Variants in KCTD2 observed in about 807,000 individuals in gnomAD.
KCTD2 encodes the protein potassium channel tetramerization domain containing 2, also known as BTB/POZ domain-containing protein KCTD2.
In KCTD2, 18 loss-of-function variants were observed where a neutral mutation model predicts 27.9. The ratio of observed to expected loss-of-function variants is 0.64; its 90% CI spans 0.45 to 0.96. KCTD2 has a LOEUF of 0.96. KCTD2 is among the 40% of genes least tolerant of loss of function. The pLI, the probability that KCTD2 is intolerant of heterozygous loss-of-function variation, is 0.00. For missense variants in KCTD2, 280 were observed against 348.0 expected, an observed-to-expected ratio of 0.80 and a Z score of 1.56; for synonymous variants, 175 against 148.4, an observed-to-expected ratio of 1.18 and a Z score of -1.30.
In KCTD2 at chr17:75,049,236, A is replaced by G. The variant is rs1477694480; in HGVS notation, c.356A>G (p.Tyr119Cys). 3.1e-6 allele frequency: 5 copies of G among 1,610,654 alleles called. No homozygotes were observed. The highest frequency in any genetic ancestry group is 3.4e-6 in the Non-Finnish European group (4 of 1,176,868). The change falls in exon 2 of 6, where the codon TAT becomes TGT. Residue 119 changes from tyrosine (Y) to cysteine (C), a missense_variant. Transcript: ENST00000322444. ...GGTTGGCAGGATGAGACAGGAGCCT[A>G]TCTGATTGACAGGGACCCCACCTAC... ...LDSDKDETGAYLIDRDPTYFG... is the reference protein window; with the variant it reads ...LDSDKDETGACLIDRDPTYFG...
intron 3 of KCTD2, among the ~76,000 whole-genome samples, chr17:75,055,832 TAAA>T (rs1271178318): frequency 8.8e-6 from 1 of 113,438 alleles, no homozygotes. Context: ...AACTCCCATC[TAAA>T]AAAAAAAAAA....
chr17:75,049,461 G>A (rs1391988019), intron 2 of KCTD2, 133 bp downstream of exon 2: 3 of 590,806 alleles, frequency 5.1e-6, no homozygotes, highest in African/African-American at 3.7e-5. Context: ...ATGAAACAGA[G>A]CAGAAACTAC....
Position 75,060,354 on chromosome 17 carries a change from T to C in KCTD2, c.636+749T>C, listed in dbSNP as rs528354818. On this transcript the variant is annotated intron_variant, in intron 4 of 5. Transcript: ENST00000322444. ...AGCTGTGGTGTCCACTGGAAAAATG[T>C]AGTCCTTGATATTTCTATTTCACAT... is the stretch of plus-strand genomic sequence containing the variant. 1.0e-5 allele frequency: 13 copies of C among 1,296,482 alleles called. No individual in the cohort carries two copies. The South Asian group carries it at 1.9e-4, about 19-fold the overall frequency. The allele number at this position is 1,296,482 out of a possible 1,614,324, so 80.3% of individuals were successfully genotyped here. A position where few individuals can be genotyped will look rare whatever the true frequency, so the allele number is the denominator to read the frequency against.
intron 3 of KCTD2, among the ~76,000 whole-genome samples, chr17:75,053,598 G>A (rs528800724): frequency 6.6e-6 from 1 of 151,970 alleles, no homozygotes; most frequent in East Asian, 1.9e-4. Flanking sequence ...GTGCCACCAC[G>A]CCTGACTAAT....
chr17:75,042,572 T>G (rs200410651), upstream of KCTD2: 1 of 1,612,922 alleles, frequency 6.2e-7, no homozygotes, highest in East Asian at 2.2e-5. Context: ...GAACTAGCAA[T>G]GGCCTTTTGG....
In KCTD2 at chr17:75,065,859, A is replaced by G. The variant is rs919058388; in HGVS notation, c.*2812A>G. On this transcript the variant is annotated 3_prime_UTR_variant, in exon 6 of 6. Transcript: ENST00000322444. Reference sequence around the variant, plus strand: ...AAATGCTGTGACTTTTTTTGTGTGAATAAAGATATGAAACTTCTGAATCTC... The same window carrying G: ...AAATGCTGTGACTTTTTTTGTGTGAGTAAAGATATGAAACTTCTGAATCTC... 1.3e-5 allele frequency: 2 copies of G among 152,184 alleles called. No individual in the cohort carries two copies. The highest frequency in any genetic ancestry group is 6.6e-5 in the Admixed American group (1 of 15,262). 9.4% of individuals were successfully genotyped at this position (152,184 alleles called of 1,614,324 possible). A position where few individuals can be genotyped will look rare whatever the true frequency, so the allele number is the denominator to read the frequency against.
intron 2 of KCTD2, 29 bp from the exon 3 acceptor site, chr17:75,052,985 A>G (rs1048332515): frequency 7.0e-6 from 11 of 1,571,906 alleles, no homozygotes; most frequent in East Asian, 2.2e-5. Flanking sequence ...CCTCGCACCT[A>G]TCTGACTGCA....
rs772353365 is a variant in KCTD2 at position 75,047,484 on chromosome 17, G to C, written c.234G>C (p.Val78=). ...CGGCCCGCTGGGTCAGGCTGAACGT[G>C]GGAGGCACCTACTTCGTGACCACCA... The part of the protein sequence containing the change: ...GGAARWVRLN[V]GGTYFVTTRQ... The change falls in exon 1 of 6, where the codon GTG becomes GTC. Residue 78 remains valine, a synonymous_variant. Coordinates refer to ENST00000322444, the MANE Select transcript of KCTD2 (RefSeq NM_015353.3). 1.9e-6 allele frequency: 3 copies of C among 1,597,676 alleles called. No homozygotes were observed. The highest frequency in any genetic ancestry group is 2.6e-6 in the Non-Finnish European group (3 of 1,173,622).
At chr17:75,046,646 G>A (rs1201929465), upstream of KCTD2, among the ~76,000 whole-genome samples, 2 of 152,224 alleles carry the variant, frequency 1.3e-5, no homozygotes, top group African/African-American at 4.8e-5. Flanking sequence ...GAAGTCTGCC[G>A]CGCTGGGAGC....
At chr17:75,040,712 C>A (rs549608415) in intron 3 of KCTD2, 2 of 153,092 alleles carry the variant, frequency 1.3e-5, no homozygotes, top group African/African-American at 4.8e-5. Context: ...ATGGTGAAAC[C>A]CCGTCTCTAC....
intron 2 of KCTD2, among the ~76,000 whole-genome samples, chr17:75,050,326 A>G (rs1351935837): frequency 6.6e-6 from 1 of 152,022 alleles, no homozygotes; most frequent in African/African-American, 2.4e-5. Context: ...CACTGGCACA[A>G]TCTTGACTCA....
At chr17:75,040,226 C>G in intron 3 of KCTD2, 1 of 1,598,650 alleles carries the variant, frequency 6.3e-7, no homozygotes, top group Non-Finnish European at 8.6e-7. Flanking sequence ...GACAGTGAGT[C>G]GTCGCCAATA....
chr17:75,042,432 T>G, upstream of KCTD2: 7 of 1,538,700 alleles, frequency 4.5e-6, no homozygotes, highest in Non-Finnish European at 6.2e-6. Context: ...TTATATGTTG[T>G]CATAAGGGCA....
At chr17:75,060,571 C>T (rs1567994551) in intron 4 of KCTD2, 20 of 1,612,442 alleles carry the variant, frequency 1.2e-5, no homozygotes, top group Non-Finnish European at 1.6e-5. Flanking sequence ...TTGAAGTTGG[C>T]AAAGAGCAGC....
At chr17:75,044,457 G>A (rs1349524985), upstream of KCTD2, among the ~76,000 whole-genome samples, 1 of 99,764 alleles carries the variant, frequency 1.0e-5, no homozygotes, top group Non-Finnish European at 1.7e-5. Flanking sequence ...CACCCGCCTC[G>A]GCCTCCCAAA....
chr17:75,050,903 T>C (rs2073277196), intron 2 of KCTD2, among the ~76,000 whole-genome samples: 2 of 151,330 alleles, frequency 1.3e-5, no homozygotes, highest in African/African-American at 4.8e-5. Context: ...GTCTCAAATG[T>C]CTGGCCTCAC....
chr17:75,062,932 A>C (rs1222858068), intron 5 of KCTD2, 86 bp from the exon 6 acceptor site: 6 of 1,397,356 alleles, frequency 4.3e-6, no homozygotes, highest in Non-Finnish European at 6.1e-6. Context: ...CCATCATGCC[A>C]CTCATCGGGT....
At chr17:75,046,869 G>C (rs1286163757), upstream of KCTD2, 2 of 152,990 alleles carry the variant, frequency 1.3e-5, no homozygotes, top group Admixed American at 6.5e-5. Flanking sequence ...GGTTTGGAGA[G>C]GGCAGAGCAG....
At chr17:75,039,039 G>GAA in intron 3 of KCTD2, 1 of 1,613,992 alleles carries the variant, frequency 6.2e-7, no homozygotes, top group Non-Finnish European at 8.5e-7. Context: ...TGATCAAATG[G>GAA]AATTAAGTTC....
Sources: gnomAD v4.1 joint callset for allele counts (sites outside exome capture counted in the v4.1 genomes callset) on GRCh38, gnomAD v4.1.1 for gene constraint, MANE v1.5 for transcripts, NCBI Gene and HGNC (gene_info 2026-07-23, HGNC 2026-07-21) for gene names.